The following POLR1D variants were observed in gnomAD, a reference collection of about 807,000 sequenced individuals.
POLR1D encodes DNA-directed RNA polymerases I and III subunit RPAC2.
POLR1D carries 8 observed loss-of-function variants against 10.8 expected under a neutral mutation model. The ratio of observed to expected loss-of-function variants is 0.74; its 90% CI spans 0.43 to 1.33. POLR1D has a LOEUF of 1.33. Ranked by LOEUF, POLR1D falls within the 40% of genes most tolerant of loss-of-function variation. The pLI, the probability that POLR1D is intolerant of heterozygous loss-of-function variation, is 0.01. For synonymous variants in POLR1D, 54 were observed against 57.2 expected (o/e 0.94, Z 0.25); for missense variants, 152 against 161.7 (o/e 0.94, Z 0.32).
chr13:27,626,729 A>G (rs747498910), downstream of POLR1D, among the ~76,000 whole-genome samples: 2 of 152,260 alleles, frequency 1.3e-5, no homozygotes, highest in African/African-American at 2.4e-5. Flanking sequence ...TAAAAAGCTG[A>G]TTATTAAATA....
At chr13:27,622,779 T>TAATAATGTGTTGC (rs1184664840) in intron 1 of POLR1D, 96 bp from the exon 2 acceptor site, 2 of 756,218 alleles carry the variant, frequency 2.6e-6, no homozygotes, top group Admixed American at 4.5e-5. Context: ...AGTAGATTAA[T>TAATAATGTGTTGC]AATAATGTGT....
chr13:27,625,152 C>G (rs1410456027), downstream of POLR1D, among the ~76,000 whole-genome samples: 1 of 152,074 alleles, frequency 6.6e-6, no homozygotes, highest in Non-Finnish European at 1.5e-5. Context: ...TTTTGTAGCA[C>G]AGTAGACAAG....
chr13:27,635,508 A>G (rs1447712110), intron 1 of POLR1D, among the ~76,000 whole-genome samples: 5 of 152,064 alleles, frequency 3.3e-5, no homozygotes, highest in Admixed American at 2.0e-4. Flanking sequence ...AGGAACTTCA[A>G]GGGTTCATCT....
chr13:27,639,754 A>G (rs370224023), intron 1 of POLR1D, among the ~76,000 whole-genome samples: 1 of 152,204 alleles, frequency 6.6e-6, no homozygotes, highest in Non-Finnish European at 1.5e-5. Context: ...GAGGCCATCT[A>G]TAAATGGATA....
intron 2 of POLR1D, chr13:27,651,193 A>T (rs1443501866): frequency 6.6e-6 from 1 of 152,208 alleles, no homozygotes; most frequent in Non-Finnish European, 1.5e-5. Context: ...GGGCAGAGAA[A>T]CATGTTAAAT....
intron 1 of POLR1D, among the ~76,000 whole-genome samples, chr13:27,628,745 G>A (rs1956042594): frequency 6.6e-6 from 1 of 152,164 alleles, no homozygotes; most frequent in African/African-American, 2.4e-5. Flanking sequence ...TGGGAAGGAG[G>A]ATATGTAGGA....
chr13:27,633,289 G>A (rs1184204318), intron 1 of POLR1D, among the ~76,000 whole-genome samples: 3 of 152,188 alleles, frequency 2.0e-5, no homozygotes, highest in Non-Finnish European at 4.4e-5. Context: ...AAATTTGACT[G>A]CAACGCATCT....
At chr13:27,666,024 T>A in exon 3 of POLR1D, 1 of 1,415,120 alleles carries the variant, frequency 7.1e-7, no homozygotes, top group Non-Finnish European at 9.8e-7. Flanking sequence ...GGAGAAGGCC[T>A]GAGCTGGCAG....
At chr13:27,640,957 G>A (rs1346210124) in intron 1 of POLR1D, among the ~76,000 whole-genome samples, 1 of 152,002 alleles carries the variant, frequency 6.6e-6, no homozygotes, top group African/African-American at 2.4e-5. Context: ...ATTGTACTAG[G>A]TATAATCTAG....
intron 1 of POLR1D, among the ~76,000 whole-genome samples, chr13:27,630,533 G>T (rs73434746): frequency 1.3e-5 from 2 of 152,082 alleles, no homozygotes; most frequent in South Asian, 4.1e-4. Context: ...GTGTAGAGGC[G>T]AAGGGTAGGG....
At chr13:27,648,484 T>G (rs1423321750) in intron 2 of POLR1D, 1 of 1,443,732 alleles carries the variant, frequency 6.9e-7, no homozygotes, top group Non-Finnish European at 9.7e-7. Context: ...TCCTTAAAAC[T>G]TAAGAAAAAA....
At chr13:27,649,747 A>G (rs1366268678) in intron 2 of POLR1D, among the ~76,000 whole-genome samples, 1 of 152,218 alleles carries the variant, frequency 6.6e-6, no homozygotes, top group East Asian at 1.9e-4. Context: ...GTCTAGAAAC[A>G]ATGACCACCC....
At chr13:27,661,747 C>A (rs1217492777) in intron 2 of POLR1D, among the ~76,000 whole-genome samples, 7 of 152,134 alleles carry the variant, frequency 4.6e-5, no homozygotes, top group Admixed American at 4.6e-4. Flanking sequence ...GAAGAGTGAA[C>A]TTTTCTAAAG....
intron 1 of POLR1D, among the ~76,000 whole-genome samples, chr13:27,636,415 T>C (rs562464316): frequency 6.6e-6 from 1 of 152,314 alleles, no homozygotes; most frequent in South Asian, 2.1e-4. Context: ...TTACATTTTT[T>C]AATAATATAG....
intron 1 of POLR1D, among the ~76,000 whole-genome samples, chr13:27,638,900 TA>T (rs927349402): frequency 6.6e-6 from 1 of 151,934 alleles, no homozygotes; most frequent in Non-Finnish European, 1.5e-5. Flanking sequence ...TCTCCCTCAT[TA>T]AAAAAAAGCT....
chr13:27,664,198 G>A (rs756173691), intron 2 of POLR1D, among the ~76,000 whole-genome samples: 2 of 152,188 alleles, frequency 1.3e-5, no homozygotes, highest in Non-Finnish European at 2.9e-5. Flanking sequence ...GCCCCCAGGA[G>A]GTAGAAATGT....
At chr13:27,655,204 G>C (rs1205011123) in intron 2 of POLR1D, among the ~76,000 whole-genome samples, 1 of 152,074 alleles carries the variant, frequency 6.6e-6, no homozygotes, top group African/African-American at 2.4e-5. Flanking sequence ...TGAGAAAAAA[G>C]GACATTGTTT....
chr13:27,641,075 T>A (rs75436500), intron 1 of POLR1D, among the ~76,000 whole-genome samples: 2 of 152,198 alleles, frequency 1.3e-5, no homozygotes, highest in East Asian at 1.9e-4. Flanking sequence ...TTAAAAAAAA[T>A]TTTCAATCCA....
chr13:27,659,991 T>C (rs537650277), intron 2 of POLR1D, among the ~76,000 whole-genome samples: 11 of 152,096 alleles, frequency 7.2e-5, no homozygotes, highest in African/African-American at 2.7e-4. Context: ...TTTATTACTT[T>C]TAGGTACAAT....
Sources: gnomAD v4.1 joint callset for allele counts (sites outside exome capture counted in the v4.1 genomes callset) on GRCh38, gnomAD v4.1.1 for gene constraint, MANE v1.5 for transcripts, NCBI Gene and HGNC (gene_info 2026-07-23, HGNC 2026-07-21) for gene names.